Variants in ANO3 observed in about 807,000 individuals in gnomAD.
ANO3 encodes the protein anoctamin 3.
A neutral mutation model predicts 144.8 loss-of-function variants in ANO3; 99 were observed. The ratio of observed to expected loss-of-function variants is 0.68; its 90% CI spans 0.58 to 0.81. ANO3 has a LOEUF of 0.81. Ranked by LOEUF, ANO3 falls within the 30% of genes least tolerant of loss-of-function variation. ANO3 has a pLI of 0.00. For synonymous variants in ANO3, 414 were observed against 392.6 expected, an observed-to-expected ratio of 1.05 and a Z score of -0.64; for missense variants, 905 against 1,202.2, an observed-to-expected ratio of 0.75 and a Z score of 3.66.
Position 26,393,266 on chromosome 11 carries a change from C to T in ANO3, c.47-48652C>T, listed in dbSNP as rs139711830. ...TACCCTATACAGTCCTCATCTTGAC[C>T]TGCTTCTGAGTATATACTACAGTAC... On this transcript the variant is annotated intron_variant, in intron 1 of 26. Coordinates refer to ENST00000256737, the MANE Select transcript of ANO3 (RefSeq NM_031418.4). Among the ~76,000 whole-genome samples, 366 of 152,180 alleles carry T rather than the reference C, an allele frequency of 2.4e-3. 1 individual carries two copies. The highest frequency in any genetic ancestry group is 8.1e-3 in the African/African-American group (337 of 41,540).
intron 1 of ANO3, among the ~76,000 whole-genome samples, chr11:26,402,942 C>T (rs1275127294): frequency 2.0e-5 from 3 of 151,026 alleles, no homozygotes; most frequent in African/African-American, 4.9e-5. Flanking sequence ...TGCATCAATT[C>T]GCCAGCTCAC....
intron 4 of ANO3, chr11:26,473,905 T>A (rs1402786346): frequency 5.1e-6 from 5 of 982,438 alleles, no homozygotes; most frequent in Non-Finnish European, 6.0e-6. Flanking sequence ...TAAAAAAAAA[T>A]GATTATTCAA....
chr11:26,565,499 C>A (rs550974560), intron 14 of ANO3: 1 of 1,613,290 alleles, frequency 6.2e-7, no homozygotes, highest in East Asian at 2.2e-5. Flanking sequence ...CATTCCAAGG[C>A]ACTTTAGAAA....
chr11:26,584,520 A>G (rs1157197624), intron 14 of ANO3, among the ~76,000 whole-genome samples: 4 of 152,210 alleles, frequency 2.6e-5, no homozygotes, highest in Non-Finnish European at 5.9e-5. Context: ...CAGGAGTTAC[A>G]TTATGACTGG....
chr11:26,583,756 T>C (rs545431061), intron 14 of ANO3, among the ~76,000 whole-genome samples: 53 of 152,220 alleles, frequency 3.5e-4, no homozygotes, highest in Non-Finnish European at 6.2e-4. Flanking sequence ...AAGCACATTA[T>C]GCTTGAGGAT....
intron 23 of ANO3, 47 bp from the exon 24 acceptor site, chr11:26,647,662 T>C: frequency 6.5e-7 from 1 of 1,545,586 alleles, no homozygotes; most frequent in South Asian, 1.2e-5. Context: ...TACAGGGTTT[T>C]CATATTCTTC....
intron 1 of ANO3, among the ~76,000 whole-genome samples, chr11:26,210,059 C>A (rs185003967): frequency 1.9e-4 from 29 of 152,170 alleles, no homozygotes; most frequent in Non-Finnish European, 3.8e-4. Context: ...AATTCTTTGC[C>A]CATGCCTATG....
At chr11:26,283,317 A>ATATATATAT (rs1853720327) in intron 1 of ANO3, among the ~76,000 whole-genome samples, 1 of 77,592 alleles carries the variant, frequency 1.3e-5, no homozygotes, top group Non-Finnish European at 2.7e-5. Context: ...TAAACAAATA[A>ATATATATAT]ATAAATATAT....
At chr11:26,201,541 G>A (rs923582501) in intron 1 of ANO3, among the ~76,000 whole-genome samples, 1 of 151,968 alleles carries the variant, frequency 6.6e-6, no homozygotes, top group Non-Finnish European at 1.5e-5. Context: ...AAGATGAGAA[G>A]AGATAAACAT....
intron 1 of ANO3, among the ~76,000 whole-genome samples, chr11:26,275,879 C>T (rs182573437): frequency 1.3e-5 from 2 of 152,210 alleles, no homozygotes; most frequent in African/African-American, 2.4e-5. Context: ...TTTTAATTCT[C>T]GTTTGGTTGC....
At chr11:26,568,629 G>A (rs397364) in intron 14 of ANO3, among the ~76,000 whole-genome samples, 13,214 of 151,862 alleles carry the variant, frequency 0.087, 759 homozygotes, top group African/African-American at 0.15. Context: ...AGAAAATCAC[G>A]ATAACTGTCT....
At chr11:26,279,968 C>T (rs953902302) in intron 1 of ANO3, among the ~76,000 whole-genome samples, 4 of 152,090 alleles carry the variant, frequency 2.6e-5, no homozygotes, top group South Asian at 4.1e-4. Context: ...CCAGATTTCT[C>T]GAAAAGAAAT....
At chr11:26,222,406 C>T (rs1852165461) in intron 1 of ANO3, among the ~76,000 whole-genome samples, 1 of 152,202 alleles carries the variant, frequency 6.6e-6, no homozygotes, top group Non-Finnish European at 1.5e-5. Context: ...GTGCCTGCAG[C>T]TTTTCCACAC....
At chr11:26,220,411 C>A (rs1852118750) in intron 1 of ANO3, among the ~76,000 whole-genome samples, 1 of 152,206 alleles carries the variant, frequency 6.6e-6, no homozygotes, top group Non-Finnish European at 1.5e-5. Flanking sequence ...CGAGGCCTTA[C>A]TGTCTCCAGC....
chr11:26,314,373 A>C (rs1395314792), intron 1 of ANO3, among the ~76,000 whole-genome samples: 1 of 152,210 alleles, frequency 6.6e-6, no homozygotes, highest in East Asian at 1.9e-4. Context: ...CTGATCTTAT[A>C]AAGATAGTAT....
intron 18 of ANO3, among the ~76,000 whole-genome samples, chr11:26,629,813 TAG>T (rs1852717623): frequency 6.6e-6 from 1 of 152,070 alleles, no homozygotes; most frequent in African/African-American, 2.4e-5. Context: ...GTATTTTTAG[TAG>T]AGACAGGGTT....
At chr11:26,443,732 C>A in intron 2 of ANO3, 33 bp from the exon 3 acceptor site, 1 of 1,386,886 alleles carries the variant, frequency 7.2e-7, no homozygotes, top group African/African-American at 1.5e-5. Context: ...GCTTTTATTT[C>A]CCAAAACTAC....
intron 1 of ANO3, among the ~76,000 whole-genome samples, chr11:26,193,669 T>C (rs1377288841): frequency 6.6e-6 from 1 of 152,210 alleles, no homozygotes; most frequent in Non-Finnish European, 1.5e-5. Context: ...GATAATCTGA[T>C]ATTTGATATT....
At position 26,332,236 on chromosome 11, in the gene ANO3, C is replaced by T. The variant is rs770275927; in HGVS notation, c.-40C>T. 3.1e-6 allele frequency: 5 copies of T among 1,613,972 alleles called. No individual in the cohort carries two copies. The South Asian group carries it at 3.3e-5, about 11-fold the overall frequency. ...GGCTACTGTTCCTCCGCCTCCCTCT[C>T]GGGCAGCTCCCTAAGCCGGCTGGGA... On this transcript the variant is annotated 5_prime_UTR_variant, in exon 1 of 27. Transcript: ENST00000256737.
Sources: allele counts gnomAD v4.1 joint callset (sites outside exome capture counted in the v4.1 genomes callset), GRCh38; gene constraint gnomAD v4.1.1; transcripts MANE v1.5; gene names NCBI Gene and HGNC (gene_info 2026-07-23, HGNC 2026-07-21).